The following MSH4 variants were observed in gnomAD, a reference collection of about 807,000 sequenced individuals.
The protein encoded by MSH4 is mutS protein homolog 4.
MSH4 carries 106 observed loss-of-function variants against 113.7 expected under a neutral mutation model. That is an observed-to-expected ratio of 0.93 (90% CI 0.80 to 1.10). MSH4 has a LOEUF of 1.10. MSH4 is among the 50% of genes least tolerant of loss of function. The pLI is 0.00. For missense variants in MSH4, 1,061 were observed against 1,093.7 expected (o/e 0.97, Z 0.42); for synonymous variants, 368 against 380.2 (o/e 0.97, Z 0.37).
Position 75,878,172 on chromosome 1 carries a change from T to A in MSH4, c.1394T>A (p.Ile465Asn). 6 of 1,603,280 alleles carry A rather than the reference T, an allele frequency of 3.7e-6. No individual in the cohort carries two copies. Among genetic ancestry groups the A allele is most frequent in the Non-Finnish European group, 5.1e-6 (6 of 1,176,104 alleles). ...DKRFGIILEK[I>N]KTVINDDARY... ...AGGTTTGGAATCATACTTGAAAAGA[T>A]TAAAACAGTAATTAATGATGATGCA... Residue 465 changes from isoleucine to asparagine, a missense_variant, in exon 11 of 20, where the codon ATT becomes AAT. Transcript: ENST00000263187.
chr1:75,827,097 A>G (rs946639579), intron 7 of MSH4, among the ~76,000 whole-genome samples: 1 of 152,170 alleles, frequency 6.6e-6, no homozygotes, highest in African/African-American at 2.4e-5. Flanking sequence ...GAGAAAGGTC[A>G]GGTTATTTAC....
chr1:75,867,441 G>C lies in MSH4; in HGVS notation c.1231-73G>C, dbSNP rs1207971145. ...TATGGGATATGGAAAGAGTAAGAAT[G>C]TTCAAGAGGAAAACCCATTGTTCTA... On this transcript the variant is annotated intron_variant, in intron 8 of 19. Coordinates refer to ENST00000263187, the MANE Select transcript of MSH4 (RefSeq NM_002440.4). 6 of 822,602 alleles carry C rather than the reference G, an allele frequency of 7.3e-6. No individual in the cohort carries two copies. In the East Asian group the frequency reaches 1.5e-4, roughly 21 times the overall value. 51.0% of individuals were successfully genotyped at this position (822,602 alleles called of 1,614,324 possible).
In MSH4 at chr1:75,810,788, T is replaced by C; in HGVS notation, c.680T>C (p.Leu227Pro). 2 of 1,572,304 alleles carry C rather than the reference T, an allele frequency of 1.3e-6. No homozygotes were observed. Among genetic ancestry groups the C allele is most frequent in the East Asian group, 2.3e-5 (1 of 43,076 alleles). Residue 227 changes from leucine (L) to proline (P), a missense_variant, in exon 4 of 20, where the codon CTG becomes CCG. Coordinates refer to ENST00000263187, the MANE Select transcript of MSH4 (RefSeq NM_002440.4). ...GGGAATTCCACCAAGTTGTTCACTC[T>C]GATCACAGAAAATTTCAAGGTAAGT... ...AVGNSTKLFT[L>P]ITENFKNVNF...
intron 7 of MSH4, among the ~76,000 whole-genome samples, chr1:75,847,338 GA>G (rs563872319): frequency 1.2e-3 from 177 of 152,276 alleles, no homozygotes; most frequent in African/African-American, 4.1e-3. Flanking sequence ...TAAAAGATGA[GA>G]ACAGCTATTG....
Position 75,797,032 on chromosome 1 carries a change from T to C in MSH4, c.47T>C (p.Val16Ala), listed in dbSNP as rs1649826986. ...ISSTSPSAPA[V>A]SPSSGETRSP... is the part of the protein sequence containing the mutation. ...TCAACCTCGCCTTCTGCCCCGGCGG[T>C]TTCCCCGTCGTCGGGAGAAACCCGC... Residue 16 changes from valine to alanine, a missense_variant, in exon 1 of 20, where the codon GTT becomes GCT. Physicochemically the swap from Val to Ala is moderately conservative, Grantham distance 64. Coordinates refer to ENST00000263187, the MANE Select transcript of MSH4 (RefSeq NM_002440.4). 5.0e-6 allele frequency: 8 copies of C among 1,613,886 alleles called. No homozygotes were observed. In the East Asian group the frequency reaches 1.8e-4, roughly 36 times the overall value.
intron 17 of MSH4, among the ~76,000 whole-genome samples, chr1:75,892,191 C>G (rs1374719128): frequency 6.6e-6 from 1 of 152,162 alleles, no homozygotes; most frequent in East Asian, 1.9e-4. Context: ...TCTTTACTAC[C>G]TTCAGACTCA....
intron 15 of MSH4, among the ~76,000 whole-genome samples, chr1:75,887,553 A>T (rs1652152489): frequency 6.6e-6 from 1 of 152,104 alleles, no homozygotes; most frequent in African/African-American, 2.4e-5. Context: ...GGAAACTGGA[A>T]GTGTTATCTG....
intron 8 of MSH4, among the ~76,000 whole-genome samples, chr1:75,867,299 G>A (rs985506793): frequency 2.0e-5 from 3 of 152,158 alleles, no homozygotes; most frequent in African/African-American, 7.2e-5. Context: ...ACAAAGAGAT[G>A]AACTCTTCTC....
At chr1:75,902,763 G>A (rs540067321) in intron 19 of MSH4, among the ~76,000 whole-genome samples, 7 of 135,494 alleles carry the variant, frequency 5.2e-5, no homozygotes, top group Admixed American at 1.6e-4. Flanking sequence ...AGAAATCTCC[G>A]TAAGGTTGAA....
At chr1:75,898,643 C>T (rs763300268) in intron 18 of MSH4, among the ~76,000 whole-genome samples, 6 of 151,916 alleles carry the variant, frequency 3.9e-5, no homozygotes, top group Admixed American at 2.6e-4. Flanking sequence ...CTCAGCCTCC[C>T]GAGTAGCTGG....
At chr1:75,815,799 G>A (rs1237672377) in intron 5 of MSH4, among the ~76,000 whole-genome samples, 1 of 152,032 alleles carries the variant, frequency 6.6e-6, no homozygotes, top group Non-Finnish European at 1.5e-5. Context: ...GGGAGGCCAA[G>A]GAGTTTGAGA....
chr1:75,834,039 C>A (rs1557502119), intron 7 of MSH4, among the ~76,000 whole-genome samples: 1 of 152,170 alleles, frequency 6.6e-6, no homozygotes, highest in Non-Finnish European at 1.5e-5. Flanking sequence ...ACCCATCTGA[C>A]AAAGCGCTAA....
At chr1:75,805,399 G>A (rs569657244) in intron 2 of MSH4, among the ~76,000 whole-genome samples, 1 of 74,000 alleles carries the variant, frequency 1.4e-5, no homozygotes, top group East Asian at 3.9e-4. Flanking sequence ...TTTTTTTTTT[G>A]GTTTTTGAGA....
At chr1:75,799,487 G>A (rs1461658518) in intron 1 of MSH4, among the ~76,000 whole-genome samples, 3 of 152,200 alleles carry the variant, frequency 2.0e-5, no homozygotes, top group African/African-American at 7.2e-5. Flanking sequence ...TATAATTAAA[G>A]TATGGGGACA....
chr1:75,906,961 G>A (rs376072696), intron 19 of MSH4, among the ~76,000 whole-genome samples: 355 of 151,922 alleles, frequency 2.3e-3, no homozygotes, highest in Non-Finnish European at 4.3e-3. Context: ...AGCCTCCTGA[G>A]TAGCTGGGAC....
intron 17 of MSH4, among the ~76,000 whole-genome samples, chr1:75,892,427 C>G (rs1652276527): frequency 6.6e-6 from 1 of 151,978 alleles, no homozygotes; most frequent in Non-Finnish European, 1.5e-5. Flanking sequence ...CTGCCCCACC[C>G]CCTCTCTATT....
chr1:75,805,129 C>A (rs1026233513), intron 2 of MSH4, among the ~76,000 whole-genome samples: 1 of 151,982 alleles, frequency 6.6e-6, no homozygotes, highest in South Asian at 2.1e-4. Flanking sequence ...CCAGCCCTGA[C>A]CTGTTTATTT....
chr1:75,820,480 A>G (rs1258055364), intron 6 of MSH4, among the ~76,000 whole-genome samples: 1 of 152,206 alleles, frequency 6.6e-6, no homozygotes, highest in Non-Finnish European at 1.5e-5. Flanking sequence ...GCTATTAATT[A>G]TTGCCTCAAT....
At chr1:75,819,885 A>AT (rs939470518) in intron 6 of MSH4, among the ~76,000 whole-genome samples, 16 of 149,604 alleles carry the variant, frequency 1.1e-4, no homozygotes, top group South Asian at 2.1e-4. Context: ...TAATTTTTGT[A>AT]TTTTTTTTTC....
Sources: gnomAD v4.1 joint callset for allele counts (sites outside exome capture counted in the v4.1 genomes callset) on GRCh38, gnomAD v4.1.1 for gene constraint, MANE v1.5 for transcripts, NCBI Gene and HGNC (gene_info 2026-07-23, HGNC 2026-07-21) for gene names.